The following TTC29 variants were observed in gnomAD, a reference collection of about 807,000 sequenced individuals.
TTC29 encodes tetratricopeptide repeat domain 29.
Under a neutral mutation model 58.1 loss-of-function variants are expected in TTC29, and 49 were observed. The ratio of observed to expected loss-of-function variants is 0.84; its 90% confidence interval spans 0.67 to 1.07. The LOEUF (loss-of-function observed/expected upper bound fraction) is 1.07, where lower values mean the gene tolerates loss of function less well. TTC29 is among the 50% of genes least tolerant of loss of function. The probability of loss-of-function intolerance (pLI) is 0.00; values close to 1 mark genes in which losing one functional copy is unlikely to be tolerated. For missense variants in TTC29, 582 were observed against 555.6 expected (o/e 1.05, Z -0.48); for synonymous variants, 209 against 196.8 (o/e 1.06, Z -0.52).
chr4:146,922,183 T>C (rs1734638152), intron 4 of TTC29, among the ~76,000 whole-genome samples: 1 of 151,314 alleles, frequency 6.6e-6, no homozygotes, highest in Non-Finnish European at 1.5e-5. Flanking sequence ...AAGAAGGCTA[T>C]AGATTTAAGT....
At chr4:146,829,573 T>C (rs886758993) in intron 9 of TTC29, among the ~76,000 whole-genome samples, 6 of 152,206 alleles carry the variant, frequency 3.9e-5, no homozygotes, top group African/African-American at 1.4e-4. Flanking sequence ...ATGTATTTTT[T>C]GGTCATTTTT....
chr4:146,878,615 C>T (rs1731427197), intron 6 of TTC29, among the ~76,000 whole-genome samples: 1 of 152,160 alleles, frequency 6.6e-6, no homozygotes, highest in Non-Finnish European at 1.5e-5. Context: ...AGATACTAGT[C>T]AACAGATCGA....
chr4:146,773,658 T>A (rs1247883789), intron 11 of TTC29, among the ~76,000 whole-genome samples: 2 of 152,158 alleles, frequency 1.3e-5, no homozygotes, highest in Non-Finnish European at 2.9e-5. Context: ...GTTGTGGATT[T>A]TTACATTTAT....
intron 9 of TTC29, among the ~76,000 whole-genome samples, chr4:146,822,983 C>T (rs1219408650): frequency 6.6e-6 from 1 of 151,660 alleles, no homozygotes; most frequent in Admixed American, 6.6e-5. Flanking sequence ...ATTTAAGTTC[C>T]TTGAAAATTC....
intron 8 of TTC29, among the ~76,000 whole-genome samples, chr4:146,840,275 A>C (rs1053070318): frequency 7.9e-5 from 12 of 151,872 alleles, no homozygotes; most frequent in African/African-American, 2.7e-4. Context: ...AAAAAGGAAG[A>C]GGGAAATGTG....
chr4:146,753,550 G>C (rs900291802), intron 11 of TTC29, among the ~76,000 whole-genome samples: 5 of 152,094 alleles, frequency 3.3e-5, no homozygotes, highest in African/African-American at 1.2e-4. Context: ...TCCTATTGCT[G>C]GATATATATA....
chr4:146,746,393 T>G (rs1465711962), intron 11 of TTC29, among the ~76,000 whole-genome samples: 1 of 152,160 alleles, frequency 6.6e-6, no homozygotes, highest in East Asian at 1.9e-4. Context: ...ATATACTTAG[T>G]ACTGATTTTC....
intron 6 of TTC29, among the ~76,000 whole-genome samples, chr4:146,877,154 A>T (rs907052118): frequency 1.1e-4 from 16 of 152,186 alleles, no homozygotes; most frequent in African/African-American, 3.9e-4. Context: ...ACAAGTGTTT[A>T]TAATAAGTAA....
Position 146,839,317 on chromosome 4 carries a change from G to A in TTC29, c.886-5420C>T, listed in dbSNP as rs548040076. ...AAATCATAGTTAATAATCATTTATT[G>A]TATACCTAAAACTAGCTAAAAGATT... is the stretch of plus-strand genomic sequence containing the variant. On this transcript the variant is annotated intron_variant, in intron 8 of 12. Transcript: ENST00000325106. Among the ~76,000 whole-genome samples the A allele has an allele frequency of 1.6e-4, 24 of 152,044 alleles. No homozygotes were observed. The South Asian group carries it at 5.0e-3, about 32-fold the overall frequency.
At chr4:146,842,398 T>C (rs886520322) in intron 8 of TTC29, among the ~76,000 whole-genome samples, 1 of 151,992 alleles carries the variant, frequency 6.6e-6, no homozygotes, top group Non-Finnish European at 1.5e-5. Context: ...GTCCTCCCAA[T>C]AGTGAAAGGT....
intron 5 of TTC29, among the ~76,000 whole-genome samples, chr4:146,905,427 GT>G (rs929481545): frequency 2.2e-3 from 318 of 142,046 alleles, no homozygotes; most frequent in Middle Eastern, 3.7e-3. Flanking sequence ...ATTTCATAAG[GT>G]TTTTTTTTTT....
chr4:146,886,063 T>C (rs1379600272), intron 6 of TTC29, among the ~76,000 whole-genome samples: 1 of 152,152 alleles, frequency 6.6e-6, no homozygotes, highest in Non-Finnish European at 1.5e-5. Context: ...ATCTGTATTA[T>C]ATATAATGCA....
intron 8 of TTC29, among the ~76,000 whole-genome samples, chr4:146,852,090 C>T (rs568507216): frequency 2.6e-5 from 4 of 152,238 alleles, no homozygotes; most frequent in South Asian, 4.1e-4. Context: ...GGTAAGCCAC[C>T]GCACCCAGCC....
intron 8 of TTC29, among the ~76,000 whole-genome samples, chr4:146,836,737 T>C (rs1407010932): frequency 6.6e-6 from 1 of 152,012 alleles, no homozygotes; most frequent in Non-Finnish European, 1.5e-5. Context: ...AACATGCATA[T>C]GGAAAAAAGC....
At position 146,877,049 on chromosome 4, in the gene TTC29, G is replaced by A. The variant is rs552848546; in HGVS notation, c.587-2121C>T. Reference sequence around the variant, plus strand: ...ACATACAGAAGGGGCAATGTGTACTGCAGACTTGTTTATAAATTTATATTA... The same window carrying A: ...ACATACAGAAGGGGCAATGTGTACTACAGACTTGTTTATAAATTTATATTA... On this transcript the variant is annotated intron_variant, in intron 6 of 12. Transcript: ENST00000325106. Among the ~76,000 whole-genome samples, 21 of 151,886 alleles carry A rather than the reference G, an allele frequency of 1.4e-4. 1 individual carries two copies. The South Asian group carries it at 4.4e-3, about 32-fold the overall frequency.
At chr4:146,708,357 C>CATGTGTGTATATATATATATATAT (rs1561047198) in intron 11 of TTC29, among the ~76,000 whole-genome samples, 45 of 16,830 alleles carry the variant, frequency 2.7e-3, no homozygotes, top group African/African-American at 5.5e-3. Flanking sequence ...TATATATATA[C>CATGTGTGTATATATATATATATAT]ACATGTATGT....
intron 4 of TTC29, among the ~76,000 whole-genome samples, chr4:146,911,608 A>T (rs530422471): frequency 6.6e-6 from 1 of 152,206 alleles, no homozygotes; most frequent in African/African-American, 2.4e-5. Flanking sequence ...GCCTTGGTTC[A>T]GTAGCCTGGC....
Position 146,754,141 on chromosome 4 carries a change from A to T in TTC29, c.1331-46590T>A, listed in dbSNP as rs553400310. Among the ~76,000 whole-genome samples the T allele has an allele frequency of 3.1e-3, 462 of 151,406 alleles. 4 individuals are homozygous for T. Among genetic ancestry groups the T allele is most frequent in the African/African-American group, 0.011 (443 of 41,428 alleles). On this transcript the variant is annotated intron_variant, in intron 11 of 12. Coordinates refer to ENST00000325106, the MANE Select transcript of TTC29 (RefSeq NM_031956.4). ...AAACTACCATCATTTTATATATTTA[A>T]AAAAAAAGAAATTATAACAGATGCC...
chr4:146,791,597 C>T (rs1749455110), intron 11 of TTC29, among the ~76,000 whole-genome samples: 1 of 152,176 alleles, frequency 6.6e-6, no homozygotes, highest in African/African-American at 2.4e-5. Context: ...AATAACCCTA[C>T]ACTGGCCTCT....
Sources: gnomAD v4.1 joint callset for allele counts (sites outside exome capture counted in the v4.1 genomes callset) on GRCh38, gnomAD v4.1.1 for gene constraint, MANE v1.5 for transcripts, NCBI Gene and HGNC (gene_info 2026-07-23, HGNC 2026-07-21) for gene names.